The following EMC3 variants were observed in gnomAD, a reference collection of about 807,000 sequenced individuals.
EMC3 encodes ER membrane protein complex subunit 3.
EMC3 carries 13 observed loss-of-function variants against 36.6 expected under a neutral mutation model. The observed-to-expected ratio is 0.35, with a 90% CI of 0.23 to 0.56. EMC3 has a LOEUF of 0.56. Among genes scored for constraint, EMC3 ranks in the 20% least tolerant of loss-of-function variants. The pLI, the probability that EMC3 is intolerant of heterozygous loss-of-function variation, is 0.84. For synonymous variants in EMC3, 120 were observed against 111.9 expected, an observed-to-expected ratio of 1.07 and a Z score of -0.46; for missense variants, 220 against 324.5, an observed-to-expected ratio of 0.68 and a Z score of 2.47.
At chr3:9,993,369 G>C (rs1052971688) in intron 1 of EMC3, among the ~76,000 whole-genome samples, 2 of 152,150 alleles carry the variant, frequency 1.3e-5, no homozygotes, top group Admixed American at 1.3e-4. Flanking sequence ...TTATAAACTG[G>C]GAATAATGTT....
intron 7 of EMC3, among the ~76,000 whole-genome samples, chr3:9,967,141 T>C (rs1057450315): frequency 6.6e-6 from 1 of 152,160 alleles, no homozygotes; most frequent in Non-Finnish European, 1.5e-5. Context: ...ATATGAGTAA[T>C]ATCATGCAAT....
chr3:9,993,854 T>TG (rs763902224), intron 1 of EMC3, among the ~76,000 whole-genome samples: 26 of 152,272 alleles, frequency 1.7e-4, no homozygotes, highest in Non-Finnish European at 2.8e-4. Flanking sequence ...GGAACATCCC[T>TG]GGGGGGTCGT....
chr3:9,998,963 A>G (rs1435603125), intron 1 of EMC3, among the ~76,000 whole-genome samples: 1 of 152,090 alleles, frequency 6.6e-6, no homozygotes, highest in Non-Finnish European at 1.5e-5. Flanking sequence ...TCGTCATGTT[A>G]CCCAGACTGG....
chr3:9,968,554 T>C (rs2085754049), intron 7 of EMC3: 1 of 152,218 alleles, frequency 6.6e-6, no homozygotes, highest in Non-Finnish European at 1.5e-5. Context: ...GTCTTGTTCT[T>C]AATCTTAAAG....
intron 1 of EMC3, among the ~76,000 whole-genome samples, chr3:9,982,153 C>T (rs113910064): frequency 6.0e-4 from 91 of 152,026 alleles, no homozygotes; most frequent in African/African-American, 2.1e-3. Flanking sequence ...TTTCGCCATG[C>T]TGGCCAGCCT....
chr3:9,996,051 C>T (rs2086120341), intron 1 of EMC3, among the ~76,000 whole-genome samples: 1 of 152,146 alleles, frequency 6.6e-6, no homozygotes, highest in South Asian at 2.1e-4. Flanking sequence ...GGTCAGCTAA[C>T]CATGAAACTG....
chr3:9,973,864 T>G (rs1043286381), intron 4 of EMC3, among the ~76,000 whole-genome samples, 155 bp from the exon 5 acceptor site: 2 of 152,100 alleles, frequency 1.3e-5, no homozygotes, highest in Non-Finnish European at 2.9e-5. Context: ...GAAAAGACAG[T>G]CAAAATGCCA....
chr3:9,969,366 C>G (rs1199240632), intron 7 of EMC3: 1 of 1,135,780 alleles, frequency 8.8e-7, no homozygotes, highest in Non-Finnish European at 1.1e-6. Context: ...TGAAAAGGCT[C>G]TTAGTATTGT....
chr3:9,978,814 A>G (rs187261250), intron 1 of EMC3, among the ~76,000 whole-genome samples: 1 of 151,562 alleles, frequency 6.6e-6, no homozygotes, highest in East Asian at 1.9e-4. Context: ...CTGGGGTGGG[A>G]CTCCATCTCA....
chr3:9,969,566 C>G, intron 7 of EMC3, 153 bp downstream of exon 7: 1 of 1,521,878 alleles, frequency 6.6e-7, no homozygotes, highest in Non-Finnish European at 8.8e-7. Context: ...GATTCTGTCT[C>G]AGGAAAGAGA....
rs775677537 is a variant in EMC3, at chr3:9,969,730, T to C, written c.646A>G (p.Lys216Glu). 1.2e-6 allele frequency: 2 copies of C among 1,614,158 alleles called. No homozygotes were observed. The highest frequency in any genetic ancestry group is 1.7e-6 in the Non-Finnish European group (2 of 1,180,030). ...GTGAAGGAGTATACCTTGAAAGCTT[T>C]GTTTGTGTCTGCGGGCATGGCCATG... ...AAMAMPADTNKAFKTEWEALE... is the reference protein window; with the variant it reads ...AAMAMPADTNEAFKTEWEALE... The change falls in exon 7 of 8, where the codon AAA (lysine) becomes GAA (glutamate). Residue 216 changes from lysine to glutamate, a missense_variant. Lys to Glu is a moderately conservative substitution (Grantham distance 56). This residue lies in a region of EMC3 where 56 missense variants were observed against 117.0 expected (regional missense o/e 0.48). Transcript: ENST00000245046.
intron 1 of EMC3, among the ~76,000 whole-genome samples, chr3:9,993,417 C>T (rs1011593600): frequency 2.0e-5 from 3 of 152,164 alleles, no homozygotes; most frequent in African/African-American, 7.2e-5. Flanking sequence ...CAGTATAGAA[C>T]TTAGAAAACT....
At chr3:9,994,590 G>C (rs1009869893) in intron 1 of EMC3, among the ~76,000 whole-genome samples, 3 of 140,264 alleles carry the variant, frequency 2.1e-5, no homozygotes, top group African/African-American at 8.0e-5. Context: ...TTTTTTTCAA[G>C]ACAGAGTTTC....
intron 1 of EMC3, among the ~76,000 whole-genome samples, chr3:10,002,186 G>A (rs1205883988): frequency 6.6e-6 from 1 of 152,080 alleles, no homozygotes; most frequent in African/African-American, 2.4e-5. Flanking sequence ...GAATGGTATT[G>A]TCACATTAAG....
At chr3:10,003,933 A>G (rs906014933) in intron 1 of EMC3, 16 of 152,864 alleles carry the variant, frequency 1.0e-4, no homozygotes, top group African/African-American at 3.8e-4. Context: ...CGGTAACGTT[A>G]AGATCGCAGA....
chr3:9,969,754 T>C lies in EMC3; in HGVS notation c.622A>G (p.Met208Val), dbSNP rs1333174792. The C allele has an allele frequency of 1.2e-6, 2 of 1,613,940 alleles. No individual in the cohort carries two copies. Among genetic ancestry groups the C allele is most frequent in the African/African-American group, 1.3e-5 (1 of 74,914 alleles). Residue 208 changes from methionine to valine, a missense_variant, in exon 7 of 8, where the codon ATG becomes GTG. Transcript: ENST00000245046. ...MMQEQMTGAAMAMPADTNKAF... is the reference protein window; with the variant it reads ...MMQEQMTGAAVAMPADTNKAF... ...TTGTTTGTGTCTGCGGGCATGGCCA[T>C]GGCTGCTCCCGTCATCTGCTCCTGC...
chr3:10,001,405 C>CAA (rs60785369), intron 1 of EMC3, among the ~76,000 whole-genome samples: 48 of 79,634 alleles, frequency 6.0e-4, no homozygotes, highest in East Asian at 1.8e-3. Flanking sequence ...GCTAAAAATA[C>CAA]AAAAAAAAAA....
intron 1 of EMC3, among the ~76,000 whole-genome samples, chr3:9,998,791 C>T (rs910358289): frequency 2.0e-5 from 3 of 152,184 alleles, no homozygotes; most frequent in African/African-American, 7.2e-5. Flanking sequence ...AGGTCTCACT[C>T]TGTCACACAA....
At chr3:10,010,671 T>C (rs369915478) in intron 1 of EMC3, among the ~76,000 whole-genome samples, 6 of 152,192 alleles carry the variant, frequency 3.9e-5, no homozygotes, top group African/African-American at 1.4e-4. Flanking sequence ...TGTTCACTTG[T>C]TGGCATGAAT....
Sources: gnomAD v4.1 joint callset for allele counts (sites outside exome capture counted in the v4.1 genomes callset) on GRCh38, gnomAD v4.1.1 for gene constraint, gnomAD v4.1.1 regional missense constraint, MANE v1.5 for transcripts, NCBI Gene and HGNC (gene_info 2026-07-23, HGNC 2026-07-21) for gene names.